The following CNTNAP2 variants were observed in gnomAD, a reference collection of about 807,000 sequenced individuals.
CNTNAP2 encodes the protein contactin-associated protein-like 2.
Under a neutral mutation model 155.2 loss-of-function variants are expected in CNTNAP2, and 98 were observed. The observed-to-expected ratio is 0.63, with a 90% CI of 0.54 to 0.75. The LOEUF is 0.75. Among genes scored for constraint, CNTNAP2 ranks in the 30% least tolerant of loss-of-function variants. CNTNAP2 has a pLI of 0.00. For missense variants in CNTNAP2, 1,727 were observed against 1,688.1 expected (o/e 1.02, Z -0.40); for synonymous variants, 651 against 631.2 (o/e 1.03, Z -0.47).
intron 8 of CNTNAP2, among the ~76,000 whole-genome samples, chr7:147,272,461 T>A (rs529402132): frequency 6.6e-6 from 1 of 152,112 alleles, no homozygotes; most frequent in Non-Finnish European, 1.5e-5. Flanking sequence ...CGTTACTGTA[T>A]CTCTACCTTC....
At chr7:148,136,947 A>G (rs1485347114) in intron 16 of CNTNAP2, among the ~76,000 whole-genome samples, 2 of 152,228 alleles carry the variant, frequency 1.3e-5, no homozygotes, top group African/African-American at 4.8e-5. Flanking sequence ...AAACAAAGGA[A>G]GCGTACTCTG....
intron 19 of CNTNAP2, among the ~76,000 whole-genome samples, chr7:148,219,337 C>G (rs1795701635): frequency 6.6e-6 from 1 of 152,176 alleles, no homozygotes; most frequent in Non-Finnish European, 1.5e-5. Context: ...TGGAGACTCT[C>G]TCTCCCACTG....
intron 13 of CNTNAP2, among the ~76,000 whole-genome samples, chr7:147,767,022 C>T (rs1241422662): frequency 1.3e-5 from 2 of 152,022 alleles, no homozygotes; most frequent in Non-Finnish European, 2.9e-5. Flanking sequence ...CCATTATTTA[C>T]TCCCTATTGA....
At chr7:148,370,040 G>A (rs995618582) in intron 21 of CNTNAP2, among the ~76,000 whole-genome samples, 4 of 152,084 alleles carry the variant, frequency 2.6e-5, no homozygotes, top group African/African-American at 7.2e-5. Flanking sequence ...ATCCCATTTG[G>A]GAACTCACCA....
chr7:147,453,381 A>C (rs1797866074), intron 10 of CNTNAP2, among the ~76,000 whole-genome samples: 2 of 152,080 alleles, frequency 1.3e-5, no homozygotes, highest in South Asian at 2.1e-4. Flanking sequence ...TACTTTTCTC[A>C]TTATTGTGTA....
At chr7:147,245,545 T>C (rs900266040) in intron 8 of CNTNAP2, among the ~76,000 whole-genome samples, 3 of 151,874 alleles carry the variant, frequency 2.0e-5, no homozygotes, top group Admixed American at 6.6e-5. Context: ...TAAAATTTCA[T>C]CTTAGAGGCT....
At chr7:148,380,828 T>TAATA (rs1322187669) in intron 21 of CNTNAP2, among the ~76,000 whole-genome samples, 4 of 152,198 alleles carry the variant, frequency 2.6e-5, no homozygotes, top group Non-Finnish European at 5.9e-5. Flanking sequence ...GTCTGTGCTC[T>TAATA]AATATTGAAG....
chr7:148,383,424 A>G (rs1347314444), intron 21 of CNTNAP2, among the ~76,000 whole-genome samples: 4 of 152,154 alleles, frequency 2.6e-5, no homozygotes, highest in Non-Finnish European at 4.4e-5. Context: ...TATCACATAT[A>G]GTCTTATTTT....
At chr7:146,255,854 C>A (rs2430327) in intron 1 of CNTNAP2, among the ~76,000 whole-genome samples, 27,022 of 152,026 alleles carry the variant, frequency 0.18, 5,502 homozygotes, top group African/African-American at 0.5. Flanking sequence ...TCCTGGAATT[C>A]ATCATGAGAC....
At chr7:147,736,266 C>A (rs1340054251) in intron 13 of CNTNAP2, among the ~76,000 whole-genome samples, 5 of 151,906 alleles carry the variant, frequency 3.3e-5, no homozygotes. Context: ...TATTTTATTT[C>A]TCCTTCACTT....
intron 14 of CNTNAP2, among the ~76,000 whole-genome samples, chr7:147,943,375 C>A (rs1260092050): frequency 6.6e-6 from 1 of 152,142 alleles, no homozygotes; most frequent in Non-Finnish European, 1.5e-5. Flanking sequence ...TTTAAACCAA[C>A]AATTTTTTTC....
intron 13 of CNTNAP2, among the ~76,000 whole-genome samples, chr7:147,777,671 C>G (rs939065700): frequency 6.6e-6 from 1 of 152,278 alleles, no homozygotes; most frequent in East Asian, 1.9e-4. Context: ...TTAATAGTGG[C>G]CCCATATATT....
At chr7:148,068,935 GGT>G (rs1803322358) in intron 15 of CNTNAP2, among the ~76,000 whole-genome samples, 2 of 152,232 alleles carry the variant, frequency 1.3e-5, no homozygotes, top group East Asian at 3.9e-4. Context: ...TCTCCTGTCT[GGT>G]ATTCTGTTCT....
intron 20 of CNTNAP2, among the ~76,000 whole-genome samples, chr7:148,253,149 G>A (rs1163782439): frequency 6.6e-6 from 1 of 152,040 alleles, no homozygotes; most frequent in Non-Finnish European, 1.5e-5. Flanking sequence ...AGCATTCAAA[G>A]CCCTTCACAA....
At chr7:147,354,922 A>T (rs937293104) in intron 9 of CNTNAP2, among the ~76,000 whole-genome samples, 2 of 152,024 alleles carry the variant, frequency 1.3e-5, no homozygotes, top group African/African-American at 4.8e-5. Context: ...TTTGCTCATG[A>T]TTTGGCTCTC....
chr7:146,995,829 C>G (rs1281826108), intron 3 of CNTNAP2, among the ~76,000 whole-genome samples: 1 of 152,020 alleles, frequency 6.6e-6, no homozygotes, highest in African/African-American at 2.4e-5. Flanking sequence ...TAGGTTGTTT[C>G]TTCTGTCGAT....
intron 21 of CNTNAP2, among the ~76,000 whole-genome samples, chr7:148,273,586 A>G (rs1796821492): frequency 1.3e-5 from 2 of 152,222 alleles, no homozygotes; most frequent in Non-Finnish European, 2.9e-5. Context: ...TCTATTCTGA[A>G]ATAAAAAGAC....
At chr7:146,613,342 T>G (rs2129154486) in intron 1 of CNTNAP2, among the ~76,000 whole-genome samples, 1 of 152,316 alleles carries the variant, frequency 6.6e-6, no homozygotes, top group Non-Finnish European at 1.5e-5. Context: ...CTTTAATTTC[T>G]TATCTCCAAA....
chr7:147,242,961 A>ATGT (rs1355371379), intron 8 of CNTNAP2, among the ~76,000 whole-genome samples: 1 of 128,928 alleles, frequency 7.8e-6, no homozygotes, highest in African/African-American at 3.0e-5. Context: ...TAAGTATTGA[A>ATGT]TGTTGTATTC....
Sources: allele counts gnomAD v4.1 joint callset (sites outside exome capture counted in the v4.1 genomes callset), GRCh38; gene constraint gnomAD v4.1.1; transcripts MANE v1.5; gene names NCBI Gene and HGNC (gene_info 2026-07-23, HGNC 2026-07-21).